Variants in C8orf58 observed in about 807,000 individuals in gnomAD.
The protein encoded by C8orf58 is uncharacterized protein C8orf58.
C8orf58 carries 31 observed loss-of-function variants against 36.8 expected under a neutral mutation model. That is an observed-to-expected ratio of 0.84 (90% CI 0.63 to 1.14). The LOEUF is 1.14. C8orf58 is among the 50% of genes most tolerant of loss of function. The probability of loss-of-function intolerance (pLI) is 0.00; values close to 1 mark genes in which losing one functional copy is unlikely to be tolerated. For missense variants in C8orf58, 538 were observed against 480.8 expected (o/e 1.12, Z -1.11); for synonymous variants, 230 against 200.2 (o/e 1.15, Z -1.26).
Position 22,599,685 on chromosome 8 carries a change from G to C in C8orf58, c.-36G>C. On this transcript the variant is annotated 5_prime_UTR_variant, in exon 1 of 7. Coordinates refer to ENST00000289989, the MANE Select transcript of C8orf58 (RefSeq NM_001013842.3). ...GGGACTCGGGCCGGGATCCTCGGGC[G>C]GCTGCATTGGCCGGGGCCGGGGCCG... The C allele has an allele frequency of 1.7e-6, 2 of 1,165,668 alleles. No homozygotes were observed. The highest frequency in any genetic ancestry group is 2.1e-6 in the Non-Finnish European group (2 of 934,678). The allele number at this position is 1,165,668 out of a possible 1,614,324, so 72.2% of individuals were successfully genotyped here.
rs771271445 is a variant in C8orf58, at chr8:22,601,148, G to A, written c.307G>A (p.Ala103Thr). The stretch of plus-strand genomic sequence containing the variant: ...ATCCTCAGGGAGTTCTGAGCCCCCC[G>A]CCCAGGTAGGCCGACTCCTGGCCAG... ...FESSGSSEPP[A>T]QVGRLLASQK... The change falls in exon 2 of 7, where the codon GCC becomes ACC. Residue 103 changes from alanine to threonine, a missense_variant. Coordinates refer to ENST00000289989, the MANE Select transcript of C8orf58 (RefSeq NM_001013842.3). 1.6e-5 allele frequency: 26 copies of A among 1,610,568 alleles called. No individual in the cohort carries two copies. The highest frequency in any genetic ancestry group is 2.2e-5 in the South Asian group (2 of 90,956).
At chr8:22,603,039 G>A (rs987751469) in intron 6 of C8orf58, 156 bp from the exon 7 acceptor site, 17 of 623,910 alleles carry the variant, frequency 2.7e-5, no homozygotes, top group Non-Finnish European at 4.3e-5. Flanking sequence ...GTATTGAATC[G>A]TTCTCCAGGA....
In C8orf58 at chr8:22,603,284, C is replaced by G; in HGVS notation, c.1076C>G (p.Ala359Gly). The G allele has an allele frequency of 1.2e-6, 2 of 1,613,830 alleles. No homozygotes were observed. The highest frequency in any genetic ancestry group is 8.5e-7 in the Non-Finnish European group (1 of 1,179,880). The change falls in exon 7 of 7, where the codon GCA becomes GGA. Residue 359 changes from alanine to glycine, a missense_variant. By Grantham distance (60) the Ala-to-Gly change is moderately conservative. Transcript: ENST00000289989. ...MPSLVVKKQR[A>G]KNLSVG Reference sequence around the variant, plus strand: ...TCATTAGTGGTTAAGAAGCAACGAGCAAAAAACCTTTCTGTAGGCTGAGAC... The same window carrying G: ...TCATTAGTGGTTAAGAAGCAACGAGGAAAAAACCTTTCTGTAGGCTGAGAC...
At chr8:22,602,719 G>A in intron 6 of C8orf58, 76 bp downstream of exon 6, 1 of 1,008,928 alleles carries the variant, frequency 9.9e-7, no homozygotes, top group Non-Finnish European at 1.5e-6. Flanking sequence ...TGTCATGCCA[G>A]TTGTCATTAT....
chr8:22,601,565 C>T, intron 2 of C8orf58, 147 bp from the exon 3 acceptor site: 1 of 1,103,214 alleles, frequency 9.1e-7, no homozygotes, highest in South Asian at 1.6e-5. Context: ...GGCACTATGC[C>T]CCGCTGGGCA....
chr8:22,601,218 C>G lies in C8orf58; in HGVS notation c.377C>G (p.Thr126Arg). 1 of 1,609,666 alleles carries G rather than the reference C, an allele frequency of 6.2e-7. No homozygotes were observed. Among genetic ancestry groups the G allele is most frequent in the Non-Finnish European group, 8.5e-7 (1 of 1,178,682 alleles). ...EVLERSRRLP[T>R]APTSLSGQHR... ...TTGGAGCGGTCCCGCCGGCTCCCAA[C>G]AGCTCCCACCAGCTTGTCAGGACAA... Residue 126 changes from threonine to arginine, a missense_variant, in exon 2 of 7, where the codon ACA (threonine) becomes AGA (arginine). Transcript: ENST00000289989.
In C8orf58 at chr8:22,599,693, TGGCCGG is replaced by T. The variant is rs1045217721; in HGVS notation, c.-14_-9del. Reference sequence around the variant, plus strand: ...GGCCGGGATCCTCGGGCGGCTGCATTGGCCGGGGCCGGGGCCGGGAGCGGGCCATGA... The same window carrying T: ...GGCCGGGATCCTCGGGCGGCTGCATTGGCCGGGGCCGGGAGCGGGCCATGA... On this transcript the variant is annotated 5_prime_UTR_variant, in exon 1 of 7. Coordinates refer to ENST00000289989, the MANE Select transcript of C8orf58 (RefSeq NM_001013842.3). The T allele has an allele frequency of 1.1e-4, 126 of 1,190,774 alleles. No homozygotes were observed. In the East Asian group the frequency reaches 1.1e-3, roughly 11 times the overall value. 73.8% of individuals were successfully genotyped at this position (1,190,774 alleles called of 1,614,324 possible). A position where few individuals can be genotyped will look rare whatever the true frequency, so the allele number is the denominator to read the frequency against.
Position 22,602,486 on chromosome 8 carries a change from G to A in C8orf58, c.880-51G>A, listed in dbSNP as rs182703906. 2.6e-3 allele frequency: 3,867 copies of A among 1,498,240 alleles called. 22 individuals carry two copies. The highest frequency in any genetic ancestry group is 0.015 in the Admixed American group (894 of 58,402). 92.8% of individuals were successfully genotyped at this position (1,498,240 alleles called of 1,614,324 possible). A position where few individuals can be genotyped will look rare whatever the true frequency, so the allele number is the denominator to read the frequency against. On this transcript the variant is annotated intron_variant, in intron 5 of 6. Coordinates refer to ENST00000289989, the MANE Select transcript of C8orf58 (RefSeq NM_001013842.3). ...GACAGCTGTCTCTGGGAGCTTGGTC[G>A]GGGGTCTGAGTGTGGGGAGGGCTCT...
chr8:22,601,966 G>C lies in C8orf58; in HGVS notation c.658-6G>C, dbSNP rs781069791. On this transcript the variant is annotated splice_region_variant and splice_polypyrimidine_tract_variant and intron_variant, in intron 3 of 6. Transcript: ENST00000289989. ...GGCCCTGATCACCTGTCTCTCCTGT[G>C]CATAGGATCCCGGCGAGGAGGAGTC... The C allele has an allele frequency of 6.4e-7, 1 of 1,552,478 alleles. No homozygotes were observed. The highest frequency in any genetic ancestry group is 1.8e-5 in the Admixed American group (1 of 54,312).
Position 22,602,587 on chromosome 8 carries a change from C to G in C8orf58, c.930C>G (p.Cys310Trp). The change falls in exon 6 of 7, where the codon TGC (cysteine) becomes TGG (tryptophan). Residue 310 changes from cysteine (C) to tryptophan (W), a missense_variant. Physicochemically the swap from Cys to Trp is radical, Grantham distance 215. Transcript: ENST00000289989. ...TCAAGGTCCTGCTCAACCGGATCTG[C>G]CGGAGAAGCCACCACCACCCTGAGC... The part of the protein sequence containing the change: ...DKVKVLLNRI[C>W]RRSHHHPEPP... 1 of 1,576,398 alleles carries G rather than the reference C, an allele frequency of 6.3e-7. No homozygotes were observed. Among genetic ancestry groups the G allele is most frequent in the Non-Finnish European group, 8.6e-7 (1 of 1,157,734 alleles).
intron 1 of C8orf58, chr8:22,599,987 C>T: frequency 2.8e-6 from 1 of 357,748 alleles, no homozygotes; most frequent in Non-Finnish European, 5.0e-6. Flanking sequence ...CCACCGCCTC[C>T]GCCCCACTTC....
chr8:22,603,228 G>T lies in C8orf58; in HGVS notation c.1020G>T (p.Gln340His). ...IESRDLPERP[Q>H]CRPHRKTFMP... ...CCAGGGACCTCCCTGAAAGGCCTCA[G>T]TGCCGCCCCCACCGGAAGACCTTTA... Residue 340 changes from glutamine (Q) to histidine (H), a missense_variant, in exon 7 of 7, where the codon CAG becomes CAT. Coordinates refer to ENST00000289989, the MANE Select transcript of C8orf58 (RefSeq NM_001013842.3). 1.9e-6 allele frequency: 3 copies of T among 1,613,952 alleles called. No homozygotes were observed. Among genetic ancestry groups the T allele is most frequent in the Non-Finnish European group, 2.5e-6 (3 of 1,179,992 alleles).
rs1475542130 is a variant in C8orf58, at chr8:22,600,981, A to G, written c.140A>G (p.Glu47Gly). 14 of 1,612,732 alleles carry G rather than the reference A, an allele frequency of 8.7e-6. No individual in the cohort carries two copies. The highest frequency in any genetic ancestry group is 1.2e-5 in the Non-Finnish European group (14 of 1,180,008). Residue 47 changes from glutamate (E) to glycine (G), a missense_variant, in exon 2 of 7, where the codon GAG (glutamate) becomes GGG (glycine). Glu to Gly is a moderately conservative substitution (Grantham distance 98, BLOSUM62 -2). Transcript: ENST00000289989. ...PDAAHGCSSW[E>G]RGDKFRGVGR... ...GCTGCCCACGGGTGCTCATCCTGGG[A>G]GAGAGGTGACAAGTTCAGAGGTGTC... is the stretch of plus-strand genomic sequence containing the variant.
chr8:22,600,413 A>T, intron 1 of C8orf58: 1 of 165,446 alleles, frequency 6.0e-6, no homozygotes. Context: ...GAGAGACTTC[A>T]CCTGGCATCC....
At chr8:22,601,882 G>A (rs1056186944) in intron 3 of C8orf58, 30 bp downstream of exon 3, 1 of 1,577,504 alleles carries the variant, frequency 6.3e-7, no homozygotes, top group Non-Finnish European at 8.6e-7. Context: ...GGGAGGGAGA[G>A]GACAGATGGG....
At position 22,600,972 on chromosome 8, in the gene C8orf58, C is replaced by T. The variant is rs764305189; in HGVS notation, c.131C>T (p.Ser44Leu). ...RRIPDAAHGC[S>L]SWERGDKFRG... is the part of the protein sequence containing the mutation. The stretch of plus-strand genomic sequence containing the variant: ...ATCCCCGACGCTGCCCACGGGTGCT[C>T]ATCCTGGGAGAGAGGTGACAAGTTC... Residue 44 changes from serine to leucine, a missense_variant, in exon 2 of 7, where the codon TCA becomes TTA. Transcript: ENST00000289989. 13 of 1,612,606 alleles carry T rather than the reference C, an allele frequency of 8.1e-6. No homozygotes were observed. The highest frequency in any genetic ancestry group is 1.7e-5 in the Admixed American group (1 of 60,008).
Position 22,601,246 on chromosome 8 carries a change from C to T in C8orf58, c.405C>T (p.His135=), listed in dbSNP as rs764643706. The T allele has an allele frequency of 1.4e-5, 22 of 1,609,928 alleles. No homozygotes were observed. The East Asian group carries it at 4.7e-4, about 34-fold the overall frequency. ...PTAPTSLSGQ[H]RSLRLASKPE... ...CTCCCACCAGCTTGTCAGGACAACA[C>T]CGCTCCCTGCGGCTGGCAAGCAAGC... The change falls in exon 2 of 7, where the codon CAC becomes CAT. Residue 135 remains histidine (H), a synonymous_variant. Coordinates refer to ENST00000289989, the MANE Select transcript of C8orf58 (RefSeq NM_001013842.3).
Position 22,602,079 on chromosome 8 carries a change from A to G in C8orf58, c.765A>G (p.Thr255=). The stretch of plus-strand genomic sequence containing the variant: ...AGCTGCTAAGCCAGACAGAGCACAC[A>G]GGTGAGGGGCCATCGTGTCTCCCTT... ...PWELLSQTEH[T]GAKAASPPKV... Residue 255 remains threonine (T), a splice_region_variant and synonymous_variant, in exon 4 of 7, where the codon ACA becomes ACG. Transcript: ENST00000289989. The G allele has an allele frequency of 6.4e-7, 1 of 1,567,558 alleles. No individual in the cohort carries two copies. Among genetic ancestry groups the G allele is most frequent in the Non-Finnish European group, 8.7e-7 (1 of 1,154,828 alleles).
chr8:22,602,870 G>A (rs1186944503), intron 6 of C8orf58: 1 of 580,794 alleles, frequency 1.7e-6, no homozygotes, highest in Non-Finnish European at 3.1e-6. Flanking sequence ...CGGTGAGTCA[G>A]TGACAGCTAG....
Sources: allele counts gnomAD v4.1 joint callset, GRCh38; gene constraint gnomAD v4.1.1; transcripts MANE v1.5; gene names NCBI Gene and HGNC (gene_info 2026-07-23, HGNC 2026-07-21).